ERC1: variants seen among roughly 807,000 people sequenced by gnomAD.
ERC1 encodes RAB6 interacting protein 2.
Under a neutral mutation model 132.0 loss-of-function variants are expected in ERC1, and 56 were observed. The observed-to-expected ratio is 0.42, with a 90% CI of 0.34 to 0.53. The LOEUF (loss-of-function observed/expected upper bound fraction) is 0.53. ERC1 is among the 20% of genes least tolerant of loss of function. ERC1 has a pLI of 0.03. For missense variants in ERC1, 1,202 were observed against 1,349.9 expected (o/e 0.89, Z 1.72); for synonymous variants, 478 against 476.1 (o/e 1.00, Z -0.05).
intron 13 of ERC1, among the ~76,000 whole-genome samples, chr12:1,260,576 G>T (rs2077080342): frequency 6.6e-6 from 1 of 152,170 alleles, no homozygotes; most frequent in Non-Finnish European, 1.5e-5. Flanking sequence ...TTAAATAGGA[G>T]ATTCAAGCTG....
chr12:1,334,151 T>A (rs1595062387), intron 15 of ERC1, among the ~76,000 whole-genome samples: 1 of 152,248 alleles, frequency 6.6e-6, no homozygotes, highest in Non-Finnish European at 1.5e-5. Flanking sequence ...CTTTGTCACA[T>A]GCATACCTTG....
chr12:1,418,714 CTTTCTTTCTTTT>C (rs2092298822), intron 17 of ERC1, among the ~76,000 whole-genome samples: 2 of 109,944 alleles, frequency 1.8e-5, no homozygotes, highest in South Asian at 3.0e-4. Context: ...TTCTTTCTTT[CTTTCTTTCTTTT>C]TGGAGACAGG....
intron 15 of ERC1, among the ~76,000 whole-genome samples, chr12:1,370,057 G>A (rs541509762): frequency 6.6e-6 from 1 of 152,264 alleles, no homozygotes; most frequent in South Asian, 2.1e-4. Context: ...ACAGAAGCAA[G>A]GTTAAACTTG....
At chr12:1,341,710 AAATG>A (rs1290819168) in intron 15 of ERC1, among the ~76,000 whole-genome samples, 1 of 152,300 alleles carries the variant, frequency 6.6e-6, no homozygotes, top group Non-Finnish European at 1.5e-5. Context: ...TAACTAATGT[AAATG>A]AAGAGTTGAT....
intron 15 of ERC1, among the ~76,000 whole-genome samples, chr12:1,353,835 A>G (rs1264880121): frequency 6.6e-6 from 1 of 152,206 alleles, no homozygotes; most frequent in East Asian, 1.9e-4. Context: ...CTACCCTCCA[A>G]AGTAGTAACT....
chr12:1,065,206 G>T (rs1033899073), intron 2 of ERC1, among the ~76,000 whole-genome samples: 1 of 151,996 alleles, frequency 6.6e-6, no homozygotes, highest in African/African-American at 2.4e-5. Context: ...TCACCATGAT[G>T]GCCAGGCTGG....
intron 15 of ERC1, among the ~76,000 whole-genome samples, chr12:1,347,518 G>A (rs1223800941): frequency 6.6e-6 from 1 of 152,166 alleles, no homozygotes; most frequent in Non-Finnish European, 1.5e-5. Context: ...TTTTCAAGAT[G>A]TAGTAATTTC....
In ERC1 at chr12:1,083,439, G is replaced by T. The variant is rs1031871154; in HGVS notation, c.945G>T (p.Met315Ile). 14 of 1,614,214 alleles carry T rather than the reference G, an allele frequency of 8.7e-6. No homozygotes were observed. The highest frequency in any genetic ancestry group is 1.1e-5 in the Non-Finnish European group (13 of 1,180,038). The change falls in exon 3 of 19, where the codon ATG (methionine) becomes ATT (isoleucine). Residue 315 changes from methionine to isoleucine, a missense_variant. Met to Ile is a conservative substitution (Grantham distance 10). Coordinates refer to ENST00000360905, the MANE Select transcript of ERC1 (RefSeq NM_178040.4). ...AATCCATTAAGAAGCTTCTGGAAAT[G>T]TTGCAGAGCAAAGGACTTTCTGCCA... ...RDESIKKLLE[M>I]LQSKGLSAKA... is the part of the protein sequence containing the mutation.
chr12:998,301 A>G (rs1961374230), intron 1 of ERC1: 1 of 152,224 alleles, frequency 6.6e-6, no homozygotes, highest in African/African-American at 2.4e-5. Context: ...CCCCTAACTT[A>G]AGAAACATTT....
At chr12:1,234,435 T>C (rs1479769432) in intron 12 of ERC1, among the ~76,000 whole-genome samples, 3 of 152,238 alleles carry the variant, frequency 2.0e-5, no homozygotes, top group Non-Finnish European at 4.4e-5. Flanking sequence ...AATGGTAAGT[T>C]GAGGAGCATC....
At chr12:1,371,789 T>C in intron 15 of ERC1, 44 bp from the exon 16 acceptor site, 1 of 1,592,998 alleles carries the variant, frequency 6.3e-7, no homozygotes, top group Non-Finnish European at 8.5e-7. Flanking sequence ...AAAGAATTGT[T>C]GGAAGGGGTG....
intron 16 of ERC1, among the ~76,000 whole-genome samples, chr12:1,389,496 C>T (rs2089750928): frequency 6.6e-6 from 1 of 152,190 alleles, no homozygotes; most frequent in African/African-American, 2.4e-5. Flanking sequence ...CCTCTGTAAG[C>T]CTGTTGGTAA....
chr12:1,094,239 A>G (rs1331846283), intron 3 of ERC1, among the ~76,000 whole-genome samples: 2 of 151,262 alleles, frequency 1.3e-5, no homozygotes, highest in African/African-American at 4.9e-5. Flanking sequence ...GGCTGGTCTC[A>G]AACTCTTGAC....
At chr12:1,370,577 A>T (rs2087106665) in intron 15 of ERC1, among the ~76,000 whole-genome samples, 1 of 152,240 alleles carries the variant, frequency 6.6e-6, no homozygotes, top group Non-Finnish European at 1.5e-5. Context: ...GAATAAATTA[A>T]ATGGATAAAG....
At chr12:1,119,588 G>T (rs1946849703) in intron 7 of ERC1, among the ~76,000 whole-genome samples, 1 of 145,732 alleles carries the variant, frequency 6.9e-6, no homozygotes, top group African/African-American at 2.5e-5. Context: ...TTTTGCTCTT[G>T]TTGCCCAGGC....
intron 12 of ERC1, among the ~76,000 whole-genome samples, chr12:1,199,246 A>G (rs1695853408): frequency 6.6e-6 from 1 of 151,636 alleles, no homozygotes; most frequent in South Asian, 2.1e-4. Flanking sequence ...GTCATGATCC[A>G]GTCACTTCCC....
chr12:1,189,727 A>G (rs1370413348), intron 11 of ERC1, 132 bp from the exon 12 acceptor site: 2 of 642,276 alleles, frequency 3.1e-6, no homozygotes, highest in African/African-American at 3.6e-5. Flanking sequence ...TAAAAACCTT[A>G]TAAATTACAA....
chr12:1,472,028 G>A (rs1321406121), intron 18 of ERC1, among the ~76,000 whole-genome samples: 1 of 152,228 alleles, frequency 6.6e-6, no homozygotes. Flanking sequence ...AGTAGTTCCT[G>A]TAGCTCCCTT....
intron 7 of ERC1, among the ~76,000 whole-genome samples, chr12:1,137,565 A>C (rs925816632): frequency 5.3e-5 from 8 of 151,878 alleles, no homozygotes; most frequent in Non-Finnish European, 1.0e-4. Context: ...TGGGCAAAAT[A>C]GGGGCCAGGA....
Sources: gnomAD v4.1 joint callset for allele counts (sites outside exome capture counted in the v4.1 genomes callset) on GRCh38, gnomAD v4.1.1 for gene constraint, MANE v1.5 for transcripts, NCBI Gene and HGNC (gene_info 2026-07-23, HGNC 2026-07-21) for gene names.